DHX36: variants seen among roughly 807,000 people sequenced by gnomAD.
The protein encoded by DHX36 is ATP-dependent DNA/RNA helicase DHX36.
In DHX36, 50 loss-of-function variants were observed where a neutral mutation model predicts 139.0. That is an observed-to-expected ratio of 0.36 (90% CI 0.29 to 0.46). DHX36 has a LOEUF of 0.46. Ranked by LOEUF, DHX36 falls within the 20% of genes least tolerant of loss-of-function variation. The pLI is 1.00. For synonymous variants in DHX36, 425 were observed against 401.9 expected (o/e 1.06, Z -0.69); for missense variants, 1,024 against 1,211.3 (o/e 0.85, Z 2.29).
intron 9 of DHX36, among the ~76,000 whole-genome samples, chr3:154,301,882 G>A (rs1433896730): frequency 6.6e-6 from 1 of 151,934 alleles, no homozygotes; most frequent in African/African-American, 2.4e-5. Flanking sequence ...AGCTCAACTA[G>A]AGGACAGCAT....
chr3:154,289,051 A>G (rs1272950840), intron 16 of DHX36, 87 bp from the exon 17 acceptor site: 4 of 516,532 alleles, frequency 7.7e-6, no homozygotes, highest in Non-Finnish European at 1.3e-5. Context: ...TGATGACTCA[A>G]AGCATCAAAT....
chr3:154,290,052 C>T (rs1483037418), intron 15 of DHX36, among the ~76,000 whole-genome samples: 1 of 152,148 alleles, frequency 6.6e-6, no homozygotes, highest in African/African-American at 2.4e-5. Context: ...GAAAGATACA[C>T]AGTAATTCCT....
chr3:154,286,166 CAAAA>C (rs60041573), intron 17 of DHX36, among the ~76,000 whole-genome samples: 1 of 16,580 alleles, frequency 6.0e-5, no homozygotes, highest in Admixed American at 7.9e-4. Context: ...TTCCACACAC[CAAAA>C]AAAAAAAAAA....
chr3:154,304,540 G>A (rs1712427252), intron 8 of DHX36, among the ~76,000 whole-genome samples: 1 of 152,162 alleles, frequency 6.6e-6, no homozygotes, highest in Non-Finnish European at 1.5e-5. Context: ...ATAAAATTAT[G>A]CAAATCTGTG....
In DHX36 at chr3:154,303,334, T is replaced by C. The variant is rs1712374411; in HGVS notation, c.1212A>G (p.Lys404=). The change falls in exon 9 of 25, where the codon AAA becomes AAG. Residue 404 remains lysine, a synonymous_variant. Transcript: ENST00000496811. ...VEYLLEDVIE[K]IRYVPEQKEH... ...ATTTCCTAATGTTTACTTACCTTAT[T>C]TTTTCAATTACATCTTCCAAAAGAT... is the stretch of plus-strand genomic sequence containing the variant. 6.3e-7 allele frequency: 1 copy of C among 1,594,332 alleles called. No individual in the cohort carries two copies. Among genetic ancestry groups the C allele is most frequent in the African/African-American group, 1.3e-5 (1 of 74,260 alleles).
intron 1 of DHX36, among the ~76,000 whole-genome samples, chr3:154,320,352 C>CGCGTGAACCCGGGAGGCGGAGCT (rs1713142369): frequency 3.3e-5 from 5 of 152,134 alleles, no homozygotes; most frequent in African/African-American, 1.2e-4. Context: ...AGTCGAATCT[C>CGCGTGAACCCGGGAGGCGGAGCT]TGATCCCACC....
chr3:154,311,589 GTATT>G (rs1712764632), intron 4 of DHX36, 43 bp downstream of exon 4: 1 of 1,505,574 alleles, frequency 6.6e-7, no homozygotes, highest in South Asian at 1.2e-5. Flanking sequence ...AAAAAATTGT[GTATT>G]TAATTTGCAA....
chr3:154,277,022 G>A, intron 23 of DHX36, 123 bp from the exon 24 acceptor site: 1 of 799,120 alleles, frequency 1.3e-6, no homozygotes, highest in Admixed American at 3.6e-5. Flanking sequence ...ACCTTCTATT[G>A]TAATTACAGA....
intron 2 of DHX36, 136 bp downstream of exon 2, chr3:154,315,902 CT>C: frequency 9.5e-7 from 1 of 1,057,510 alleles, no homozygotes. Flanking sequence ...AAGTCATTTT[CT>C]AAATCTGTTT....
intron 13 of DHX36, among the ~76,000 whole-genome samples, chr3:154,295,008 G>A (rs1310111339): frequency 6.6e-6 from 1 of 152,026 alleles, no homozygotes; most frequent in Non-Finnish European, 1.5e-5. Flanking sequence ...CTCTTACTCA[G>A]GAAACTCAAC....
chr3:154,312,854 T>A (rs1204405752), intron 3 of DHX36, among the ~76,000 whole-genome samples: 15 of 3,850 alleles, frequency 3.9e-3, no homozygotes, highest in Admixed American at 6.5e-3. Flanking sequence ...ATAATTAAAA[T>A]ATATATATAT....
intron 1 of DHX36, 131 bp from the exon 2 acceptor site, chr3:154,316,294 G>A (rs1576882762): frequency 8.3e-7 from 1 of 1,201,836 alleles, no homozygotes; most frequent in East Asian, 2.6e-5. Flanking sequence ...GTTATCCACA[G>A]GTGTCCTCTA....
chr3:154,282,340 T>C (rs1027984970), intron 20 of DHX36, among the ~76,000 whole-genome samples: 2 of 152,108 alleles, frequency 1.3e-5, no homozygotes. Context: ...CAATAACTTG[T>C]TTTTAAGGGG....
At chr3:154,307,354 T>C (rs984507370) in intron 5 of DHX36, among the ~76,000 whole-genome samples, 3 of 152,118 alleles carry the variant, frequency 2.0e-5, no homozygotes, top group Non-Finnish European at 2.9e-5. Context: ...GAAGAAAATA[T>C]GTGCAAACTA....
chr3:154,323,003 A>T (rs1479063198), intron 1 of DHX36, among the ~76,000 whole-genome samples: 3 of 152,206 alleles, frequency 2.0e-5, no homozygotes, highest in Non-Finnish European at 4.4e-5. Context: ...TGAACATGAC[A>T]TGGTTAAAAG....
chr3:154,321,630 G>A (rs954457295), intron 1 of DHX36, among the ~76,000 whole-genome samples: 2 of 152,116 alleles, frequency 1.3e-5, no homozygotes, highest in African/African-American at 4.8e-5. Flanking sequence ...AATATTTGTT[G>A]AAAGAACATT....
At chr3:154,316,619 G>C (rs915188396) in intron 1 of DHX36, among the ~76,000 whole-genome samples, 4 of 152,076 alleles carry the variant, frequency 2.6e-5, no homozygotes, top group Non-Finnish European at 5.9e-5. Context: ...AAATTGGTAA[G>C]TAAGGCTGAG....
chr3:154,318,490 T>C (rs1170424051), intron 1 of DHX36, among the ~76,000 whole-genome samples: 1 of 152,088 alleles, frequency 6.6e-6, no homozygotes, highest in Non-Finnish European at 1.5e-5. Flanking sequence ...CAAAAGATTA[T>C]TCTAATTTTA....
At chr3:154,300,379 T>A (rs1712220421) in intron 11 of DHX36, among the ~76,000 whole-genome samples, 3 of 152,236 alleles carry the variant, frequency 2.0e-5, no homozygotes, top group Admixed American at 6.5e-5. Context: ...AGCTCACTTT[T>A]AAAAAATGAG....
Sources: allele counts gnomAD v4.1 joint callset (sites outside exome capture counted in the v4.1 genomes callset), GRCh38; gene constraint gnomAD v4.1.1; transcripts MANE v1.5; gene names NCBI Gene and HGNC (gene_info 2026-07-23, HGNC 2026-07-21).